GRM8: variants seen among roughly 807,000 people sequenced by gnomAD.
The protein encoded by GRM8 is glutamate metabotropic receptor 8.
Under a neutral mutation model 87.2 loss-of-function variants are expected in GRM8, and 47 were observed. The ratio of observed to expected loss-of-function variants is 0.54; its 90% CI spans 0.43 to 0.69. GRM8 has a LOEUF of 0.69. Ranked by LOEUF, GRM8 falls within the 30% of genes least tolerant of loss-of-function variation. The pLI, the probability that GRM8 is intolerant of heterozygous loss-of-function variation, is 0.00. For missense variants in GRM8, 1,019 were observed against 1,139.2 expected (o/e 0.89, Z 1.52); for synonymous variants, 396 against 404.5 (o/e 0.98, Z 0.25).
intron 7 of GRM8, among the ~76,000 whole-genome samples, chr7:126,649,099 T>C (rs751636955): frequency 8.5e-5 from 13 of 152,178 alleles, no homozygotes; most frequent in Non-Finnish European, 1.6e-4. Flanking sequence ...GAATTATCTA[T>C]TATAAATGTG....
At chr7:126,574,384 C>A (rs1238033854) in intron 8 of GRM8, among the ~76,000 whole-genome samples, 1 of 152,176 alleles carries the variant, frequency 6.6e-6, no homozygotes, top group East Asian at 1.9e-4. Context: ...GCATGACTGA[C>A]TGCAGGCTTG....
chr7:126,771,055 C>T (rs999066132), intron 6 of GRM8, among the ~76,000 whole-genome samples: 6 of 151,978 alleles, frequency 3.9e-5, no homozygotes, highest in Non-Finnish European at 2.9e-5. Flanking sequence ...CTTCTACATC[C>T]CTCACCAACC....
intron 9 of GRM8, among the ~76,000 whole-genome samples, chr7:126,493,963 G>T (rs181074393): frequency 6.6e-6 from 1 of 151,956 alleles, no homozygotes; most frequent in Non-Finnish European, 1.5e-5. Context: ...TCCCTGGCAT[G>T]ACTGGCAGGG....
chr7:127,088,714 A>G (rs1823752579), intron 3 of GRM8, among the ~76,000 whole-genome samples: 1 of 152,176 alleles, frequency 6.6e-6, no homozygotes, highest in South Asian at 2.1e-4. Context: ...CCTGCCAGGC[A>G]GCTCTTCTTC....
At chr7:127,237,368 C>G (rs1432656066) in intron 2 of GRM8, among the ~76,000 whole-genome samples, 2 of 152,112 alleles carry the variant, frequency 1.3e-5, no homozygotes, top group African/African-American at 4.8e-5. Flanking sequence ...TAGATGAGCC[C>G]GGATATGGCA....
intron 6 of GRM8, among the ~76,000 whole-genome samples, chr7:126,786,590 T>C (rs1820649285): frequency 6.6e-6 from 1 of 152,184 alleles, no homozygotes; most frequent in South Asian, 2.1e-4. Flanking sequence ...TCATTTCCAC[T>C]GCCATGTTAC....
At chr7:126,455,184 T>A (rs779882781) in intron 9 of GRM8, among the ~76,000 whole-genome samples, 1 of 151,732 alleles carries the variant, frequency 6.6e-6, no homozygotes, top group Non-Finnish European at 1.5e-5. Flanking sequence ...TAGGAATGAA[T>A]AAGTCTATTT....
intron 2 of GRM8, among the ~76,000 whole-genome samples, chr7:127,162,651 T>C (rs1392308213): frequency 6.6e-6 from 1 of 152,226 alleles, no homozygotes; most frequent in African/African-American, 2.4e-5. Flanking sequence ...TTATAACCCT[T>C]GCTGGCTTCC....
At chr7:126,988,557 A>G (rs2131923979) in intron 3 of GRM8, among the ~76,000 whole-genome samples, 1 of 152,328 alleles carries the variant, frequency 6.6e-6, no homozygotes, top group South Asian at 2.1e-4. Context: ...ATTATGTGCT[A>G]GGTACTCTAT....
intron 9 of GRM8, among the ~76,000 whole-genome samples, chr7:126,454,920 G>C (rs1803055657): frequency 6.6e-6 from 1 of 151,690 alleles, no homozygotes; most frequent in Admixed American, 6.6e-5. Flanking sequence ...CCCTGTGTGT[G>C]ATACAGCCCT....
At chr7:127,069,753 T>C (rs1821496132) in intron 3 of GRM8, among the ~76,000 whole-genome samples, 1 of 152,224 alleles carries the variant, frequency 6.6e-6, no homozygotes, top group African/African-American at 2.4e-5. Context: ...AAATATGGTG[T>C]CATGATTAAG....
At chr7:126,440,367 C>T (rs937693686) in intron 10 of GRM8, among the ~76,000 whole-genome samples, 8 of 143,376 alleles carry the variant, frequency 5.6e-5, no homozygotes, top group Middle Eastern at 7.1e-3. Flanking sequence ...GCCGAGATCG[C>T]GCCACTGCAC....
chr7:126,553,548 T>C (rs895180345), intron 8 of GRM8, among the ~76,000 whole-genome samples: 1 of 152,152 alleles, frequency 6.6e-6, no homozygotes, highest in Admixed American at 6.5e-5. Context: ...TAAAACTCAA[T>C]GTAATACTCT....
At chr7:126,989,878 C>T (rs922881608) in intron 3 of GRM8, among the ~76,000 whole-genome samples, 2 of 152,066 alleles carry the variant, frequency 1.3e-5, no homozygotes, top group Admixed American at 6.5e-5. Flanking sequence ...GGGAGGATCA[C>T]CTGAGCCCAG....
At chr7:126,479,619 G>A (rs10085589) in intron 9 of GRM8, among the ~76,000 whole-genome samples, 125,236 of 151,930 alleles carry the variant, frequency 0.82, 52,002 homozygotes, top group African/African-American at 0.94. Flanking sequence ...TTATCCACCA[G>A]TCAGCTGATG....
intron 3 of GRM8, among the ~76,000 whole-genome samples, chr7:126,995,148 G>T (rs1364859363): frequency 1.3e-5 from 2 of 152,192 alleles, no homozygotes; most frequent in Non-Finnish European, 2.9e-5. Context: ...GACCACCTAG[G>T]TGGTATCTTT....
At chr7:127,024,169 C>T (rs2132241967) in intron 3 of GRM8, among the ~76,000 whole-genome samples, 1 of 152,168 alleles carries the variant, frequency 6.6e-6, no homozygotes, top group South Asian at 2.1e-4. Context: ...TTGTATTTGG[C>T]TATTAACAGC....
At chr7:126,628,772 G>A (rs1800944782) in intron 7 of GRM8, among the ~76,000 whole-genome samples, 2 of 151,874 alleles carry the variant, frequency 1.3e-5, no homozygotes, top group Admixed American at 1.3e-4. Context: ...CTAGCTTTTG[G>A]GGACATAAGA....
At chr7:126,776,752 G>A (rs1369068189) in intron 6 of GRM8, among the ~76,000 whole-genome samples, 1 of 152,052 alleles carries the variant, frequency 6.6e-6, no homozygotes, top group Non-Finnish European at 1.5e-5. Context: ...TGTGGCCTTG[G>A]GCAAAACATG....
Sources: gnomAD v4.1 joint callset for allele counts (sites outside exome capture counted in the v4.1 genomes callset) on GRCh38, gnomAD v4.1.1 for gene constraint, MANE v1.5 for transcripts, NCBI Gene and HGNC (gene_info 2026-07-23, HGNC 2026-07-21) for gene names.